Variants in MAPRE3 observed in about 807,000 individuals in gnomAD.
MAPRE3 encodes microtubule-associated protein RP/EB family member 3.
A neutral mutation model predicts 30.5 loss-of-function variants in MAPRE3; 2 were observed. The observed-to-expected ratio is 0.07, with a 90% CI of 0.03 to 0.21. The LOEUF is 0.21. Among genes scored for constraint, MAPRE3 ranks in the 10% least tolerant of loss-of-function variants. The probability of loss-of-function intolerance (pLI) is 1.00; values close to 1 mark genes in which losing one functional copy is unlikely to be tolerated. For missense variants in MAPRE3, 204 were observed against 351.8 expected (o/e 0.58, Z 3.36); for synonymous variants, 110 against 127.7 (o/e 0.86, Z 0.93).
chr2:26,991,052 G>C (rs891979946), intron 1 of MAPRE3, among the ~76,000 whole-genome samples: 4 of 152,202 alleles, frequency 2.6e-5, no homozygotes, highest in Non-Finnish European at 4.4e-5. Flanking sequence ...TGCAGATTGA[G>C]ACCATCCTGG....
intron 1 of MAPRE3, among the ~76,000 whole-genome samples, chr2:26,996,618 G>A (rs968344011): frequency 3.9e-5 from 6 of 152,044 alleles, no homozygotes; most frequent in African/African-American, 1.4e-4. Flanking sequence ...GTGAAACCCC[G>A]TCTCTACTAA....
intron 1 of MAPRE3, among the ~76,000 whole-genome samples, chr2:26,997,439 T>G (rs1002904128): frequency 6.6e-6 from 1 of 152,198 alleles, no homozygotes; most frequent in African/African-American, 2.4e-5. Context: ...TCTTCCCGTG[T>G]GACCCAGGGA....
intron 1 of MAPRE3, among the ~76,000 whole-genome samples, chr2:26,979,033 C>T (rs992525926): frequency 6.6e-6 from 1 of 152,178 alleles, no homozygotes; most frequent in African/African-American, 2.4e-5. Flanking sequence ...GGGATGGAAC[C>T]TTATCAGCTA....
intron 3 of MAPRE3, 146 bp downstream of exon 3, chr2:27,023,623 C>T (rs956025970): frequency 2.1e-6 from 2 of 935,206 alleles, no homozygotes; most frequent in Admixed American, 2.1e-5. Context: ...GGGAATTTTC[C>T]CCCTGCTCAA....
intron 1 of MAPRE3, among the ~76,000 whole-genome samples, chr2:26,987,774 C>T (rs935042693): frequency 3.3e-5 from 5 of 152,182 alleles, no homozygotes; most frequent in Non-Finnish European, 7.4e-5. Flanking sequence ...GTGTTCCTAA[C>T]CACCCAGACT....
chr2:27,013,308 C>T (rs558738013), intron 1 of MAPRE3: 1 of 152,152 alleles, frequency 6.6e-6, no homozygotes, highest in Non-Finnish European at 1.5e-5. Flanking sequence ...AAATCCTGTT[C>T]TGGGAAATCC....
At chr2:27,010,014 A>G (rs1012628283) in intron 1 of MAPRE3, among the ~76,000 whole-genome samples, 11 of 152,202 alleles carry the variant, frequency 7.2e-5, no homozygotes, top group African/African-American at 2.7e-4. Flanking sequence ...AGGGGCTGGC[A>G]CACAGCATTG....
In MAPRE3 at chr2:27,025,954, C is replaced by A. The variant is rs767668108; in HGVS notation, c.699C>A (p.Ile233=). The change falls in exon 6 of 7, where the codon ATC becomes ATA. Residue 233 remains isoleucine (I), a synonymous_variant. Coordinates refer to ENST00000233121, the MANE Select transcript of MAPRE3 (RefSeq NM_012326.4). ...RDFYFSKLRD[I]ELICQEHESE... ...TCTACTTCAGCAAACTTCGTGACAT[C>A]GAGCTCATCTGCCAGGAGCATGAAA... The A allele has an allele frequency of 1.2e-6, 2 of 1,614,188 alleles. No individual in the cohort carries two copies. Among genetic ancestry groups the A allele is most frequent in the Admixed American group, 3.3e-5 (2 of 60,032 alleles).
At chr2:26,997,026 G>T (rs1177088881) in intron 1 of MAPRE3, 8 of 138,452 alleles carry the variant, frequency 5.8e-5, no homozygotes. Flanking sequence ...TAGATATCTG[G>T]AGACCAAAGT....
At chr2:26,977,616 C>T (rs747337079) in intron 1 of MAPRE3, among the ~76,000 whole-genome samples, 16 of 152,196 alleles carry the variant, frequency 1.1e-4, no homozygotes, top group South Asian at 4.1e-4. Context: ...CTCAGAGGCC[C>T]TTTTTCCTTC....
chr2:27,001,961 A>G (rs778106792), intron 1 of MAPRE3: 1 of 152,226 alleles, frequency 6.6e-6, no homozygotes, highest in African/African-American at 2.4e-5. Flanking sequence ...TTTGCTCGTG[A>G]GGCAGGAGTC....
chr2:26,976,967 A>T (rs1666026393), intron 1 of MAPRE3, among the ~76,000 whole-genome samples: 1 of 152,226 alleles, frequency 6.6e-6, no homozygotes, highest in Non-Finnish European at 1.5e-5. Flanking sequence ...ATTGAAAACA[A>T]CCAAAAGTGC....
chr2:27,017,154 G>C (rs1425099107), intron 1 of MAPRE3, among the ~76,000 whole-genome samples: 1 of 152,214 alleles, frequency 6.6e-6, no homozygotes, highest in African/African-American at 2.4e-5. Context: ...CAAGGAGGCT[G>C]TTACTTCATG....
intron 5 of MAPRE3, 51 bp downstream of exon 5, chr2:27,025,788 G>A (rs1265335938): frequency 1.2e-5 from 19 of 1,613,712 alleles, no homozygotes; most frequent in Non-Finnish European, 1.4e-5. Flanking sequence ...CCAAAGCCAG[G>A]CCCTTGGGGT....
chr2:26,973,997 T>C (rs1665967477), intron 1 of MAPRE3, among the ~76,000 whole-genome samples: 1 of 152,226 alleles, frequency 6.6e-6, no homozygotes, highest in Admixed American at 6.5e-5. Context: ...AATGCCCTCA[T>C]TTCTAAAGTT....
At chr2:26,989,216 A>G (rs551735445) in intron 1 of MAPRE3, among the ~76,000 whole-genome samples, 1 of 152,276 alleles carries the variant, frequency 6.6e-6, no homozygotes, top group South Asian at 2.1e-4. Context: ...GCTATGTAGA[A>G]TTTCTGATGG....
intron 1 of MAPRE3, chr2:26,984,908 G>A (rs548777635): frequency 6.6e-6 from 1 of 152,310 alleles, no homozygotes; most frequent in South Asian, 2.1e-4. Context: ...TCCAAGACAT[G>A]TCAGGGAACT....
chr2:26,991,208 C>G (rs540924900), intron 1 of MAPRE3, among the ~76,000 whole-genome samples: 1 of 152,142 alleles, frequency 6.6e-6, no homozygotes, highest in African/African-American at 2.4e-5. Flanking sequence ...GAGCCGAGTT[C>G]GTGCCACTGC....
intron 4 of MAPRE3, among the ~76,000 whole-genome samples, chr2:27,025,292 TCTC>T (rs1335901439): frequency 2.6e-5 from 4 of 152,164 alleles, no homozygotes; most frequent in African/African-American, 7.2e-5. Context: ...TCCTAATTTC[TCTC>T]CTCTATCCCT....
Sources: gnomAD v4.1 joint callset for allele counts (sites outside exome capture counted in the v4.1 genomes callset) on GRCh38, gnomAD v4.1.1 for gene constraint, MANE v1.5 for transcripts, NCBI Gene and HGNC (gene_info 2026-07-23, HGNC 2026-07-21) for gene names.